The following PLXDC1 variants were observed in gnomAD, a reference collection of about 807,000 sequenced individuals.
PLXDC1 encodes the protein plexin domain-containing protein 1.
In PLXDC1, 39 loss-of-function variants were observed where a neutral mutation model predicts 61.3. The ratio of observed to expected loss-of-function variants is 0.64; its 90% CI spans 0.49 to 0.83. PLXDC1 has a LOEUF of 0.83. Among genes scored for constraint, PLXDC1 ranks in the 40% least tolerant of loss-of-function variants. The pLI, the probability that PLXDC1 is intolerant of heterozygous loss-of-function variation, is 0.00. For missense variants in PLXDC1, 596 were observed against 666.5 expected (o/e 0.89, Z 1.17); for synonymous variants, 212 against 254.5 (o/e 0.83, Z 1.59).
upstream of PLXDC1, chr17:39,152,727 G>T: frequency 3.3e-6 from 4 of 1,217,888 alleles, no homozygotes; most frequent in Non-Finnish European, 3.1e-6. Flanking sequence ...ACAGGAGAAG[G>T]TACACTGTGG....
At chr17:39,152,202 C>T (rs1039845047), upstream of PLXDC1, among the ~76,000 whole-genome samples, 1 of 151,028 alleles carries the variant, frequency 6.6e-6, no homozygotes, top group Non-Finnish European at 1.5e-5. Context: ...TTTCCAGCAC[C>T]GATTTGCCCC....
At chr17:39,150,935 T>G (rs2045368385) in intron 1 of PLXDC1, among the ~76,000 whole-genome samples, 1 of 152,130 alleles carries the variant, frequency 6.6e-6, no homozygotes, top group Non-Finnish European at 1.5e-5. Flanking sequence ...CTGGATCAGC[T>G]TTGGGGTCGG....
intron 7 of PLXDC1, among the ~76,000 whole-genome samples, chr17:39,105,235 C>T (rs1445605056): frequency 6.6e-6 from 1 of 152,194 alleles, no homozygotes; most frequent in Non-Finnish European, 1.5e-5. Context: ...CATGGGATGC[C>T]TGCCGCGCTC....
chr17:39,125,313 G>A (rs1911282483), intron 2 of PLXDC1, among the ~76,000 whole-genome samples: 1 of 152,222 alleles, frequency 6.6e-6, no homozygotes, highest in South Asian at 2.1e-4. Flanking sequence ...GCCTCGCTGA[G>A]GGTCTGGGGT....
intron 2 of PLXDC1, among the ~76,000 whole-genome samples, chr17:39,128,119 A>ATATATATATATATATATATATATGTG (rs1911393978): frequency 8.0e-6 from 1 of 124,804 alleles, no homozygotes; most frequent in Non-Finnish European, 1.6e-5. Flanking sequence ...ATATATGTAT[A>ATATATATATATATATATATATATGTG]TATATATGTG....
intron 11 of PLXDC1, 120 bp from the exon 12 acceptor site, chr17:39,072,605 G>A (rs1276838939): frequency 1.4e-6 from 1 of 722,718 alleles, no homozygotes; most frequent in Middle Eastern, 2.3e-4. Flanking sequence ...AGGAAACTGA[G>A]GCTCAGAGAG....
intron 2 of PLXDC1, among the ~76,000 whole-genome samples, chr17:39,137,003 G>A (rs1485294953): frequency 2.6e-5 from 4 of 152,160 alleles, no homozygotes; most frequent in Non-Finnish European, 5.9e-5. Flanking sequence ...AAGCAAAAAC[G>A]CTTTCCAGAA....
At chr17:39,134,246 T>C (rs569272327) in intron 2 of PLXDC1, among the ~76,000 whole-genome samples, 3 of 145,716 alleles carry the variant, frequency 2.1e-5, no homozygotes, top group East Asian at 4.1e-4. Flanking sequence ...AGAGCAAGAC[T>C]CCGTCTCAAA....
intron 2 of PLXDC1, among the ~76,000 whole-genome samples, chr17:39,130,667 A>G (rs990704880): frequency 4.6e-5 from 7 of 151,842 alleles, no homozygotes; most frequent in Non-Finnish European, 8.8e-5. Context: ...GGTTCAACCA[A>G]TTCTCCTGCC....
intron 7 of PLXDC1, among the ~76,000 whole-genome samples, chr17:39,098,098 C>T (rs929024551): frequency 1.4e-5 from 2 of 147,070 alleles, no homozygotes; most frequent in East Asian, 2.0e-4. Flanking sequence ...ACAGCTACTC[C>T]GGAGGCTGAG....
chr17:39,150,850 C>T (rs889865520), intron 1 of PLXDC1, among the ~76,000 whole-genome samples: 2 of 152,194 alleles, frequency 1.3e-5, no homozygotes, highest in African/African-American at 4.8e-5. Flanking sequence ...GGAAGGTGAC[C>T]GAATGGCTGC....
chr17:39,087,803 G>A, intron 7 of PLXDC1, 101 bp from the exon 8 acceptor site: 1 of 764,376 alleles, frequency 1.3e-6, no homozygotes, highest in Non-Finnish European at 2.2e-6. Context: ...TGCACTGAAG[G>A]CAGTAAGTGC....
intron 11 of PLXDC1, among the ~76,000 whole-genome samples, chr17:39,076,126 A>C (rs2143305484): frequency 6.6e-6 from 1 of 151,392 alleles, no homozygotes; most frequent in South Asian, 2.1e-4. Context: ...GAAAGGGGAC[A>C]TTGTGGAAAG....
intron 1 of PLXDC1, among the ~76,000 whole-genome samples, chr17:39,144,041 C>T (rs1043757027): frequency 6.6e-6 from 1 of 152,156 alleles, no homozygotes; most frequent in Non-Finnish European, 1.5e-5. Context: ...AGGGGCTCAG[C>T]GGCCCAGAGA....
intron 10 of PLXDC1, 134 bp from the exon 11 acceptor site, chr17:39,078,182 A>G: frequency 1.2e-6 from 1 of 842,600 alleles, no homozygotes; most frequent in Non-Finnish European, 1.8e-6. Context: ...CTGAGATGCC[A>G]ATCTTAAATA....
In PLXDC1 at chr17:39,109,056, A is replaced by C. The variant is rs910281166; in HGVS notation, c.400-83T>G. On this transcript the variant is annotated intron_variant, in intron 3 of 13. Coordinates refer to ENST00000315392, the MANE Select transcript of PLXDC1 (RefSeq NM_020405.5). ...CCCACACTGCCTCATGCTTGTTTGG[A>C]CAGAGTGGGGAGCAGGCATGCCCAG... 18 of 1,312,356 alleles carry C rather than the reference A, an allele frequency of 1.4e-5. 1 individual carries two copies. In the Admixed American group the frequency reaches 2.1e-4, roughly 15 times the overall value. The allele number at this position is 1,312,356 out of a possible 1,614,324, so 81.3% of individuals were successfully genotyped here.
intron 1 of PLXDC1, among the ~76,000 whole-genome samples, chr17:39,143,039 G>T (rs1911986244): frequency 6.6e-6 from 1 of 152,164 alleles, no homozygotes; most frequent in African/African-American, 2.4e-5. Context: ...TCGGGAGGCT[G>T]AGGCAGGAGA....
At chr17:39,090,335 A>G (rs1567757796) in intron 7 of PLXDC1, among the ~76,000 whole-genome samples, 1 of 139,590 alleles carries the variant, frequency 7.2e-6, no homozygotes, top group Non-Finnish European at 1.6e-5. Flanking sequence ...CAGCATCTAC[A>G]TCCCTGAGGC....
intron 12 of PLXDC1, chr17:39,070,324 G>A (rs951733845): frequency 6.6e-5 from 15 of 226,704 alleles, no homozygotes; most frequent in African/African-American, 3.4e-4. Flanking sequence ...ATTCACAAAG[G>A]GCATCGGAGG....
Sources: gnomAD v4.1 joint callset for allele counts (sites outside exome capture counted in the v4.1 genomes callset) on GRCh38, gnomAD v4.1.1 for gene constraint, MANE v1.5 for transcripts, NCBI Gene and HGNC (gene_info 2026-07-23, HGNC 2026-07-21) for gene names.